The following MACROH2A2 variants were observed in gnomAD, a reference collection of about 807,000 sequenced individuals.
The protein encoded by MACROH2A2 is macroH2A.2 histone.
A neutral mutation model predicts 37.6 loss-of-function variants in MACROH2A2; 6 were observed. The observed-to-expected ratio is 0.16, with a 90% CI of 0.09 to 0.32. MACROH2A2 has a LOEUF of 0.32. Ranked by LOEUF, MACROH2A2 falls within the 10% of genes least tolerant of loss-of-function variation. The pLI is 1.00. For missense variants in MACROH2A2, 290 were observed against 485.9 expected (o/e 0.60, Z 3.79); for synonymous variants, 192 against 202.7 (o/e 0.95, Z 0.45).
At chr10:70,057,787 TA>T (rs1171430984) in intron 1 of MACROH2A2, among the ~76,000 whole-genome samples, 1 of 152,234 alleles carries the variant, frequency 6.6e-6, no homozygotes, top group African/African-American at 2.4e-5. Context: ...TAATGTTTAT[TA>T]AATGTCTGCT....
rs200327343 is a variant in MACROH2A2, at chr10:70,075,615, G to A, written c.-44G>A. 9.4e-6 allele frequency: 15 copies of A among 1,591,066 alleles called. 1 individual carries two copies. Among genetic ancestry groups the A allele is most frequent in the Middle Eastern group, 1.7e-4 (1 of 5,904 alleles). ...TCCTTTTTAGCATTGTGTTAGTGCC[G>A]GGAGGCCACTGTGTCAGCAAGCTGA... is the stretch of plus-strand genomic sequence containing the variant. On this transcript the variant is annotated 5_prime_UTR_variant, in exon 2 of 9. Transcript: ENST00000373255. The surrounding 1 kb of genome is among the most constrained non-coding windows in gnomAD (Gnocchi z 5.0).
At position 70,075,874 on chromosome 10, in the gene MACROH2A2, ACCCTC is replaced by A; in HGVS notation, c.172+49_172+53del. On this transcript the variant is annotated intron_variant, in intron 2 of 8. Transcript: ENST00000373255. This position sits in a 1 kb window ranked among gnomAD's most constrained non-coding sequence, Gnocchi z 5.0. ...GGAGGCTGCCTGCTCCCAGGTCCCC[ACCCTC>A]CCCTGGGTCCCCCTCGCAGGCTGGG... 1 of 1,539,800 alleles carries A rather than the reference ACCCTC, an allele frequency of 6.5e-7. No individual in the cohort carries two copies. Among genetic ancestry groups the A allele is most frequent in the East Asian group, 2.3e-5 (1 of 43,486 alleles).
chr10:70,079,085 A>C (rs924801300), intron 2 of MACROH2A2, among the ~76,000 whole-genome samples: 1 of 152,214 alleles, frequency 6.6e-6, no homozygotes, highest in South Asian at 2.1e-4. Flanking sequence ...GAAACGCCTC[A>C]CAATAAGATC....
chr10:70,107,448 C>T lies in MACROH2A2; in HGVS notation c.779-1585C>T, dbSNP rs956576839. Among the ~76,000 whole-genome samples, 23 of 152,196 alleles carry T rather than the reference C, an allele frequency of 1.5e-4. No individual in the cohort carries two copies. Among genetic ancestry groups the T allele is most frequent in the African/African-American group, 5.1e-4 (21 of 41,446 alleles). ...TAGTGGCCACGGACCCTTGCTACGC[C>T]GATTCCTGGGTTCCTGGAGGGGCAC... On this transcript the variant is annotated intron_variant, in intron 7 of 8. Coordinates refer to ENST00000373255, the MANE Select transcript of MACROH2A2 (RefSeq NM_018649.3). The surrounding 1 kb of genome is among the most constrained non-coding windows in gnomAD (Gnocchi z 4.4).
At chr10:70,109,661 G>GC (rs888739502) in intron 8 of MACROH2A2, among the ~76,000 whole-genome samples, 10 of 152,142 alleles carry the variant, frequency 6.6e-5, no homozygotes, top group South Asian at 4.1e-4. Flanking sequence ...AGAATCTCAG[G>GC]CCCCCCATCT....
chr10:70,103,692 A>T (rs2072319380), intron 7 of MACROH2A2, among the ~76,000 whole-genome samples: 2 of 151,328 alleles, frequency 1.3e-5, no homozygotes, highest in Non-Finnish European at 2.9e-5. Flanking sequence ...AAATTGAAAA[A>T]TCAAAAGAAA....
At chr10:70,060,108 G>A (rs1475559323) in intron 1 of MACROH2A2, among the ~76,000 whole-genome samples, 1 of 152,156 alleles carries the variant, frequency 6.6e-6, no homozygotes, top group Non-Finnish European at 1.5e-5. Flanking sequence ...GGTGGTTCAC[G>A]ACTATAATCC....
At chr10:70,103,867 C>G (rs549384671) in intron 7 of MACROH2A2, among the ~76,000 whole-genome samples, 10 of 152,160 alleles carry the variant, frequency 6.6e-5, no homozygotes, top group African/African-American at 2.4e-4. Flanking sequence ...AAGAATTCCA[C>G]ATTTTGCTAC....
intron 2 of MACROH2A2, among the ~76,000 whole-genome samples, chr10:70,086,528 C>T (rs2072212736): frequency 6.6e-6 from 1 of 152,174 alleles, no homozygotes; most frequent in Non-Finnish European, 1.5e-5. Context: ...ATCTGTCTGT[C>T]AAGCTGAAAA....
At chr10:70,099,952 A>G (rs779299104) in intron 6 of MACROH2A2, among the ~76,000 whole-genome samples, 2 of 152,208 alleles carry the variant, frequency 1.3e-5, no homozygotes, top group Admixed American at 1.3e-4. Context: ...ACAAGACTCA[A>G]GCCATGAGAC....
chr10:70,100,409 C>T, intron 7 of MACROH2A2, 112 bp downstream of exon 7: 1 of 619,460 alleles, frequency 1.6e-6, no homozygotes, highest in Admixed American at 2.8e-5. Context: ...TATGCCATAA[C>T]TAATCAGAAA....
chr10:70,095,743 A>G lies in MACROH2A2; in HGVS notation c.678A>G (p.Lys226=), dbSNP rs2072272720. Residue 226 remains lysine, a synonymous_variant, in exon 6 of 9, where the codon AAA becomes AAG. Coordinates refer to ENST00000373255, the MANE Select transcript of MACROH2A2 (RefSeq NM_018649.3). ...VHPTTAEIDL[K]EDIGKALEKA... ...CAACCACAGCCGAAATTGACCTCAA[A>G]GAAGATATAGGTAAGGTCCTGAGAC... 2 of 1,536,370 alleles carry G rather than the reference A, an allele frequency of 1.3e-6. No homozygotes were observed. The highest frequency in any genetic ancestry group is 2.2e-5 in the South Asian group (2 of 89,554).
intron 6 of MACROH2A2, chr10:70,098,210 C>G (rs2072285898): frequency 6.6e-6 from 1 of 151,596 alleles, no homozygotes; most frequent in Admixed American, 6.6e-5. Flanking sequence ...CCACTACACT[C>G]CAGCCTGGGC....
chr10:70,078,179 T>C (rs1358956644), intron 2 of MACROH2A2, among the ~76,000 whole-genome samples: 1 of 152,236 alleles, frequency 6.6e-6, no homozygotes, highest in Non-Finnish European at 1.5e-5. Flanking sequence ...CCTCTTCCTG[T>C]TCGTTCATCC....
chr10:70,090,384 A>C (rs1296855308), intron 3 of MACROH2A2, among the ~76,000 whole-genome samples: 1 of 152,272 alleles, frequency 6.6e-6, no homozygotes, highest in Non-Finnish European at 1.5e-5. Flanking sequence ...TCTAGGTCTT[A>C]TCAGACCTTT....
At chr10:70,093,060 A>G (rs2072255873) in intron 4 of MACROH2A2, among the ~76,000 whole-genome samples, 1 of 151,870 alleles carries the variant, frequency 6.6e-6, no homozygotes, top group Non-Finnish European at 1.5e-5. Flanking sequence ...GGAGTACAGT[A>G]ATGCAGTGGC....
Position 70,075,970 on chromosome 10 carries a change from T to G in MACROH2A2, c.172+140T>G. 4.6e-6 allele frequency: 3 copies of G among 648,158 alleles called. No homozygotes were observed. The highest frequency in any genetic ancestry group is 1.9e-5 in the South Asian group (1 of 52,570). 40.2% of individuals were successfully genotyped at this position (648,158 alleles called of 1,614,324 possible). The stretch of plus-strand genomic sequence containing the variant: ...CTGTGGGTGGTGACAGGGTTGCAAC[T>G]GGCCTGCTTGGCTAAAATCAACTTC... On this transcript the variant is annotated intron_variant, in intron 2 of 8. Transcript: ENST00000373255. This position sits in a 1 kb window ranked among gnomAD's most constrained non-coding sequence, Gnocchi z 5.0.
At chr10:70,071,841 C>T (rs532034892) in intron 1 of MACROH2A2, among the ~76,000 whole-genome samples, 19 of 152,234 alleles carry the variant, frequency 1.2e-4, no homozygotes, top group African/African-American at 3.4e-4. Flanking sequence ...GGGCACTTGC[C>T]GTGAATAGAG....
intron 1 of MACROH2A2, among the ~76,000 whole-genome samples, chr10:70,054,872 T>G (rs1183649088): frequency 6.6e-6 from 1 of 152,200 alleles, no homozygotes; most frequent in Non-Finnish European, 1.5e-5. Flanking sequence ...ACATGCCCAG[T>G]TCTCCTCTTC....
Sources: gnomAD v4.1 joint callset for allele counts (sites outside exome capture counted in the v4.1 genomes callset) on GRCh38, gnomAD v4.1.1 for gene constraint, Gnocchi (gnomAD v3.1) non-coding constraint, MANE v1.5 for transcripts, NCBI Gene and HGNC (gene_info 2026-07-23, HGNC 2026-07-21) for gene names.